Variants in DLC1 observed in about 807,000 individuals in gnomAD.
DLC1 encodes the protein DLC1 Rho GTPase activating protein, also known as rho GTPase-activating protein 7.
A neutral mutation model predicts 140.3 loss-of-function variants in DLC1; 54 were observed. That is an observed-to-expected ratio of 0.38 (90% CI 0.31 to 0.48). DLC1 has a LOEUF of 0.48. DLC1 is among the 20% of genes least tolerant of loss of function. The probability of loss-of-function intolerance (pLI) is 0.96; values close to 1 mark genes in which losing one functional copy is unlikely to be tolerated. For synonymous variants in DLC1, 986 were observed against 728.1 expected (o/e 1.35, Z -5.70); for missense variants, 2,536 against 1,907.0 (o/e 1.33, Z -6.14).
chr8:13,415,460 C>A (rs1047840339), intron 2 of DLC1, among the ~76,000 whole-genome samples: 13 of 149,866 alleles, frequency 8.7e-5, no homozygotes, highest in African/African-American at 3.2e-4. Flanking sequence ...AGTGTAGTAG[C>A]GCGACCATGG....
chr8:13,405,971 TTCA>T (rs1837530565), intron 2 of DLC1, among the ~76,000 whole-genome samples: 2 of 132,028 alleles, frequency 1.5e-5, no homozygotes, highest in East Asian at 2.0e-4. Context: ...CTTTCTTTCT[TTCA>T]TCTCTCTCTC....
intron 5 of DLC1, among the ~76,000 whole-genome samples, chr8:13,206,634 T>C (rs541496398): frequency 6.6e-6 from 1 of 152,230 alleles, no homozygotes; most frequent in Non-Finnish European, 1.5e-5. Context: ...GCAAAATTAA[T>C]AAACGAGCTA....
intron 1 of DLC1, among the ~76,000 whole-genome samples, chr8:13,536,512 A>G (rs992778084): frequency 1.2e-4 from 18 of 152,226 alleles, no homozygotes; most frequent in Non-Finnish European, 2.1e-4. Context: ...GGAACCTCTC[A>G]TTATGCCATT....
chr8:13,525,334 C>A (rs1172939886), intron 1 of DLC1, among the ~76,000 whole-genome samples: 1 of 152,182 alleles, frequency 6.6e-6, no homozygotes, highest in Admixed American at 6.6e-5. Flanking sequence ...TGTATACATT[C>A]TTTAATTTCC....
At chr8:13,280,699 A>T (rs1410471505) in intron 5 of DLC1, among the ~76,000 whole-genome samples, 3 of 152,152 alleles carry the variant, frequency 2.0e-5, no homozygotes, top group Admixed American at 1.3e-4. Context: ...CTTTGGTCTT[A>T]TGGCCACTGT....
chr8:13,386,511 T>TA (rs1836526421), intron 4 of DLC1, among the ~76,000 whole-genome samples: 2 of 152,212 alleles, frequency 1.3e-5, no homozygotes, highest in South Asian at 4.1e-4. Flanking sequence ...GAAGATGGAA[T>TA]AACCCATCAC....
intron 5 of DLC1, among the ~76,000 whole-genome samples, chr8:13,133,980 G>T (rs1822358575): frequency 6.6e-6 from 1 of 152,190 alleles, no homozygotes; most frequent in Non-Finnish European, 1.5e-5. Flanking sequence ...ACGTGCTGGG[G>T]GTCACAGCCC....
intron 5 of DLC1, among the ~76,000 whole-genome samples, chr8:13,192,155 T>C (rs1328631920): frequency 1.3e-5 from 2 of 151,922 alleles, no homozygotes; most frequent in Non-Finnish European, 2.9e-5. Flanking sequence ...TTTACCATGT[T>C]GGCCAGGCTG....
chr8:13,598,377 C>A (rs79774936), intron 1 of DLC1, among the ~76,000 whole-genome samples: 4,379 of 151,418 alleles, frequency 0.029, 230 homozygotes, highest in African/African-American at 0.1. Context: ...TCTGTGGGGA[C>A]CACTTAGACA....
intron 5 of DLC1, among the ~76,000 whole-genome samples, chr8:13,120,356 A>AAAAAATATATATATATAT: frequency 2.0e-4 from 12 of 61,112 alleles, no homozygotes; most frequent in East Asian, 7.2e-4. Context: ...AAAAAAAAAA[A>AAAAAATATATATATATAT]ATATATATAT....
upstream of DLC1, among the ~76,000 whole-genome samples, chr8:13,517,039 T>C (rs1160189016): frequency 2.0e-5 from 3 of 152,222 alleles, no homozygotes; most frequent in African/African-American, 7.2e-5. Flanking sequence ...ATAGAGACAA[T>C]TTCACATAAC....
chr8:13,192,123 T>C (rs1826792031), intron 5 of DLC1, among the ~76,000 whole-genome samples: 1 of 150,564 alleles, frequency 6.6e-6, no homozygotes, highest in African/African-American at 2.4e-5. Flanking sequence ...ATTTTTGTAT[T>C]TTTTTTTAGT....
chr8:13,248,279 C>T (rs1329319744), intron 5 of DLC1, among the ~76,000 whole-genome samples: 3 of 152,228 alleles, frequency 2.0e-5, no homozygotes, highest in South Asian at 2.1e-4. Context: ...GCAGCTTCTG[C>T]ACCTGTTGGT....
intron 16 of DLC1, among the ~76,000 whole-genome samples, chr8:13,087,999 T>G (rs2584560): frequency 0.13 from 19,059 of 152,264 alleles, 2,097 homozygotes; most frequent in African/African-American, 0.3. Flanking sequence ...CAGACCATTC[T>G]CAGCGAGGAA....
At chr8:13,324,571 T>TGAA (rs1405912834) in intron 4 of DLC1, among the ~76,000 whole-genome samples, 1 of 9,570 alleles carries the variant, frequency 1.0e-4, no homozygotes, top group African/African-American at 3.4e-4. Context: ...AGACTCCGTC[T>TGAA]CAAAAAAAAA....
At chr8:13,202,753 A>G (rs980977433) in intron 5 of DLC1, among the ~76,000 whole-genome samples, 2 of 152,032 alleles carry the variant, frequency 1.3e-5, no homozygotes, top group Admixed American at 6.6e-5. Context: ...AGCTCACAGC[A>G]AACTTGACTT....
In DLC1 at chr8:13,499,299, A is replaced by C; in HGVS notation, c.773T>G (p.Leu258Trp). 2.5e-6 allele frequency: 4 copies of C among 1,614,122 alleles called. No individual in the cohort carries two copies. Among genetic ancestry groups the C allele is most frequent in the Non-Finnish European group, 3.4e-6 (4 of 1,180,024 alleles). Reference protein sequence around the residue: ...STCNVVQNEFLDTPCTNRGLP... With the variant: ...STCNVVQNEFWDTPCTNRGLP... ...TCCTCTGTTTGTGCAAGGAGTATCC[A>C]AGAACTCATTTTGTACTACATTGCA... The change falls in exon 2 of 18, where the codon TTG (leucine) becomes TGG (tryptophan). Residue 258 changes from leucine (L) to tryptophan (W), a missense_variant. Leu to Trp is a moderately conservative substitution (Grantham distance 61, BLOSUM62 -2). Coordinates refer to ENST00000276297, the MANE Select transcript of DLC1 (RefSeq NM_182643.3).
At chr8:13,124,429 G>C (rs536933307) in intron 5 of DLC1, among the ~76,000 whole-genome samples, 2 of 152,340 alleles carry the variant, frequency 1.3e-5, no homozygotes, top group South Asian at 4.1e-4. Flanking sequence ...CTACAATACA[G>C]ACCAAAAAGC....
chr8:13,167,673 G>T (rs961060178), intron 5 of DLC1, among the ~76,000 whole-genome samples: 5 of 152,134 alleles, frequency 3.3e-5, no homozygotes, highest in African/African-American at 1.2e-4. Context: ...TTCTCAAAAT[G>T]AGAATGAATT....
Sources: gnomAD v4.1 joint callset for allele counts (sites outside exome capture counted in the v4.1 genomes callset) on GRCh38, gnomAD v4.1.1 for gene constraint, MANE v1.5 for transcripts, NCBI Gene and HGNC (gene_info 2026-07-23, HGNC 2026-07-21) for gene names.